Variants in CC2D1A observed in about 807,000 individuals in gnomAD.
CC2D1A encodes coiled-coil and C2 domain-containing protein 1A.
A neutral mutation model predicts 123.8 loss-of-function variants in CC2D1A; 68 were observed. The ratio of observed to expected loss-of-function variants is 0.55; its 90% CI spans 0.45 to 0.67. The LOEUF (loss-of-function observed/expected upper bound fraction) is 0.67. CC2D1A is among the 30% of genes least tolerant of loss of function. The pLI is 0.00. For missense variants in CC2D1A, 1,185 were observed against 1,290.3 expected (o/e 0.92, Z 1.25); for synonymous variants, 477 against 528.0 (o/e 0.90, Z 1.32).
In CC2D1A at chr19:13,920,661, C is replaced by G. The variant is rs1466263279; in HGVS notation, c.1461C>G (p.Ser487=). The change falls in exon 13 of 29, where the codon TCC becomes TCG. Residue 487 remains serine, a synonymous_variant. Coordinates refer to ENST00000318003, the MANE Select transcript of CC2D1A (RefSeq NM_017721.5). ...PTAKAPPKAT[S]TRAQQQLAFL... is the part of the protein sequence containing the mutation. ...CCAAAGCGCCCCCCAAAGCCACATC[C>G]ACCAGAGGTAAGTTCCCCCTCCCCG... 1 of 1,609,556 alleles carries G rather than the reference C, an allele frequency of 6.2e-7. No individual in the cohort carries two copies. The highest frequency in any genetic ancestry group is 8.5e-7 in the Non-Finnish European group (1 of 1,177,604).
At position 13,927,971 on chromosome 19, in the gene CC2D1A, T is replaced by C. The variant is rs1038998313; in HGVS notation, c.2395T>C (p.Leu799=). The C allele has an allele frequency of 2.5e-6, 4 of 1,613,590 alleles. No individual in the cohort carries two copies. The highest frequency in any genetic ancestry group is 2.7e-5 in the African/African-American group (2 of 74,874). Residue 799 remains leucine, a synonymous_variant, in exon 23 of 29, where the codon TTG becomes CTG. Coordinates refer to ENST00000318003, the MANE Select transcript of CC2D1A (RefSeq NM_017721.5). ...RIREPLTAQQ[L]ETTTERWLVI... ...TCGGGAGCCACTGACAGCCCAGCAG[T>C]TGGAGACGACGACAGAGAGGTGGCT...
intron 22 of CC2D1A, chr19:13,927,545 G>A (rs1205483551): frequency 2.1e-6 from 1 of 480,290 alleles, no homozygotes; most frequent in East Asian, 3.8e-5. Flanking sequence ...TTGGGAGGCT[G>A]AGGCGGGCAG....
rs770550279 is a variant in CC2D1A at position 13,930,122 on chromosome 19, G to C, written c.2755G>C (p.Ala919Pro). 5.6e-6 allele frequency: 9 copies of C among 1,612,056 alleles called. No individual in the cohort carries two copies. The East Asian group carries it at 2.0e-4, about 36-fold the overall frequency. ...LERQLQFYTE[A>P]ARRLGNDGSR... ...GCGGCAGCTGCAGTTCTACACGGAG[G>C]CTGCCCGGCGCCTGGGCAACGATGG... Residue 919 changes from alanine (A) to proline (P), a missense_variant, in exon 27 of 29, where the codon GCT becomes CCT. Physicochemically the swap from Ala to Pro is conservative, Grantham distance 27. Transcript: ENST00000318003. The surrounding 1 kb of genome is among the most constrained non-coding windows in gnomAD (Gnocchi z 6.8).
intron 12 of CC2D1A, 76 bp downstream of exon 12, chr19:13,920,027 G>T: frequency 7.0e-7 from 1 of 1,423,092 alleles, no homozygotes; most frequent in Non-Finnish European, 9.6e-7. Context: ...TGGGAGGATC[G>T]CTTGAGGCCA....
chr19:13,923,844 C>A lies in CC2D1A; in HGVS notation c.1940+33C>A. 6.6e-7 allele frequency: 1 copy of A among 1,506,124 alleles called. No homozygotes were observed. The highest frequency in any genetic ancestry group is 9.2e-7 in the Non-Finnish European group (1 of 1,082,794). The allele number at this position is 1,506,124 out of a possible 1,614,324, so 93.3% of individuals were successfully genotyped here. On this transcript the variant is annotated intron_variant, in intron 17 of 28. Coordinates refer to ENST00000318003, the MANE Select transcript of CC2D1A (RefSeq NM_017721.5). The surrounding 1 kb of genome is among the most constrained non-coding windows in gnomAD (Gnocchi z 5.3). The stretch of plus-strand genomic sequence containing the variant: ...TCCTGATCTACGCCCCACCACGTGG[C>A]CCCAGTGGCCCTTTGGTGGCGGTGG...
rs369369513 is a variant in CC2D1A at position 13,923,389 on chromosome 19, G to C, written c.1698G>C (p.Pro566=). ...DDFALVQRPG[P]GLSQEAARRY... is the part of the protein sequence containing the mutation. Reference sequence around the variant, plus strand: ...TTGCCCTGGTCCAGCGGCCTGGCCCGGGTCTGTCTCAGGAGGCCGCCCGGC... The same window carrying C: ...TTGCCCTGGTCCAGCGGCCTGGCCCCGGTCTGTCTCAGGAGGCCGCCCGGC... The change falls in exon 15 of 29, where the codon CCG becomes CCC. Residue 566 remains proline (P), a synonymous_variant. Transcript: ENST00000318003. This position sits in a 1 kb window ranked among gnomAD's most constrained non-coding sequence, Gnocchi z 5.3. The C allele has an allele frequency of 8.1e-6, 13 of 1,612,642 alleles. 1 individual carries two copies. In the East Asian group the frequency reaches 1.6e-4, roughly 19 times the overall value.
Position 13,930,700 on chromosome 19 carries a change from C to T in CC2D1A, c.*305C>T, listed in dbSNP as rs971767511. The T allele has an allele frequency of 6.3e-6, 3 of 479,076 alleles. No individual in the cohort carries two copies. The highest frequency in any genetic ancestry group is 1.1e-5 in the Non-Finnish European group (3 of 272,228). 29.7% of individuals were successfully genotyped at this position (479,076 alleles called of 1,614,324 possible). A position where few individuals can be genotyped will look rare whatever the true frequency, so the allele number is the denominator to read the frequency against. On this transcript the variant is annotated 3_prime_UTR_variant, in exon 29 of 29. Transcript: ENST00000318003. This position sits in a 1 kb window ranked among gnomAD's most constrained non-coding sequence, Gnocchi z 6.8. ...AGGGAGGGTGGCTGGGGCCAAGCCC[C>T]GAGGGCCCCTGCAAGCACTTTACTT... is the stretch of plus-strand genomic sequence containing the variant.
In CC2D1A at chr19:13,923,380, G is replaced by A; in HGVS notation, c.1689G>A (p.Arg563=). The stretch of plus-strand genomic sequence containing the variant: ...AGGACGACTTTGCCCTGGTCCAGCG[G>A]CCTGGCCCGGGTCTGTCTCAGGAGG... ...VNKDDFALVQ[R]PGPGLSQEAA... The change falls in exon 15 of 29, where the codon CGG becomes CGA. Residue 563 remains arginine (R), a synonymous_variant. Coordinates refer to ENST00000318003, the MANE Select transcript of CC2D1A (RefSeq NM_017721.5). The surrounding 1 kb of genome is among the most constrained non-coding windows in gnomAD (Gnocchi z 5.3). The A allele has an allele frequency of 6.2e-7, 1 of 1,612,342 alleles. No individual in the cohort carries two copies.
chr19:13,913,242 T>C lies in CC2D1A; in HGVS notation c.453T>C (p.Ile151=), dbSNP rs372824446. 1.2e-6 allele frequency: 2 copies of C among 1,613,410 alleles called. No homozygotes were observed. Among genetic ancestry groups the C allele is most frequent in the Admixed American group, 1.7e-5 (1 of 59,958 alleles). ...GGCTGGCGCTCTATCAGACAGCAAT[T>C]GAAAGCGCCAGACAAGCTGGAGACA... is the stretch of plus-strand genomic sequence containing the variant. The part of the protein sequence containing the change: ...QERLALYQTA[I]ESARQAGDSA... Residue 151 remains isoleucine (I), a synonymous_variant, in exon 5 of 29, where the codon ATT becomes ATC. Transcript: ENST00000318003.
chr19:13,922,053 A>G (rs1362987575), intron 14 of CC2D1A, among the ~76,000 whole-genome samples: 1 of 152,140 alleles, frequency 6.6e-6, no homozygotes, highest in Admixed American at 6.5e-5. Flanking sequence ...CCAGGCTGGA[A>G]TGCAGTGGCA....
chr19:13,916,208 G>A (rs536083001), intron 6 of CC2D1A, among the ~76,000 whole-genome samples: 36 of 152,030 alleles, frequency 2.4e-4, no homozygotes, highest in African/African-American at 4.8e-4. Flanking sequence ...AGTGAGCCAC[G>A]ATCACACCAC....
At chr19:13,908,503 G>T (rs962509623) in intron 1 of CC2D1A, among the ~76,000 whole-genome samples, 2 of 151,058 alleles carry the variant, frequency 1.3e-5, no homozygotes, top group Non-Finnish European at 3.0e-5. Flanking sequence ...GTCTTGCTCT[G>T]TTGCCCAGGC....
rs1315521885 is a variant in CC2D1A, at chr19:13,927,193, C to A, written c.2244C>A (p.Asp748Glu). ...VVHKGGLFKT[D>E]RVLGTAQLKL... ...CACACAGGGGGCTGTTCAAGACTGA[C>A]CGGGTGCTGGGGACAGCCCAGCTGA... is the stretch of plus-strand genomic sequence containing the variant. The change falls in exon 22 of 29, where the codon GAC becomes GAA. Residue 748 changes from aspartate (D) to glutamate (E), a missense_variant. Asp to Glu is a conservative substitution (Grantham distance 45, BLOSUM62 2). Coordinates refer to ENST00000318003, the MANE Select transcript of CC2D1A (RefSeq NM_017721.5). 1 of 1,614,098 alleles carries A rather than the reference C, an allele frequency of 6.2e-7. No individual in the cohort carries two copies. Among genetic ancestry groups the A allele is most frequent in the East Asian group, 2.2e-5 (1 of 44,880 alleles).
At chr19:13,927,561 G>C in intron 22 of CC2D1A, 2 of 466,580 alleles carry the variant, frequency 4.3e-6, no homozygotes, top group South Asian at 4.8e-5. Flanking sequence ...GGCAGATCAC[G>C]AGGTCAGGAG....
chr19:13,929,358 T>C (rs1568422706), intron 24 of CC2D1A, 21 bp from the exon 25 acceptor site: 2 of 1,612,928 alleles, frequency 1.2e-6, no homozygotes, highest in Non-Finnish European at 1.7e-6. Flanking sequence ...TGCAGTCCCT[T>C]ATCCTTCCTC....
At chr19:13,921,081 T>C (rs1438331713) in intron 14 of CC2D1A, among the ~76,000 whole-genome samples, 159 bp downstream of exon 14, 1 of 152,244 alleles carries the variant, frequency 6.6e-6, no homozygotes, top group Non-Finnish European at 1.5e-5. Flanking sequence ...ACATTTATTA[T>C]GTTTCTTGCA....
At position 13,906,544 on chromosome 19, in the gene CC2D1A, C is replaced by A; in HGVS notation, c.60+43C>A. ...GGCCCGACCTGGGGATCCCTCCCCA[C>A]CCCCGTCACTCGCTCAGGGAAGGGC... is the stretch of plus-strand genomic sequence containing the variant. On this transcript the variant is annotated intron_variant, in intron 1 of 28. Coordinates refer to ENST00000318003, the MANE Select transcript of CC2D1A (RefSeq NM_017721.5). The surrounding 1 kb of genome is among the most constrained non-coding windows in gnomAD (Gnocchi z 4.1). The A allele has an allele frequency of 2.2e-6, 3 of 1,342,984 alleles. No individual in the cohort carries two copies. Among genetic ancestry groups the A allele is most frequent in the African/African-American group, 1.5e-5 (1 of 65,604 alleles). The allele number at this position is 1,342,984 out of a possible 1,614,324, so 83.2% of individuals were successfully genotyped here. A position where few individuals can be genotyped will look rare whatever the true frequency, so the allele number is the denominator to read the frequency against.
chr19:13,927,727 A>G, intron 22 of CC2D1A, 166 bp from the exon 23 acceptor site: 1 of 712,802 alleles, frequency 1.4e-6, no homozygotes, highest in Non-Finnish European at 2.4e-6. Flanking sequence ...GCTTGCAGTG[A>G]GCCCAGATTG....
intron 17 of CC2D1A, among the ~76,000 whole-genome samples, chr19:13,924,582 G>A (rs1215196280): frequency 6.6e-6 from 1 of 151,958 alleles, no homozygotes. Flanking sequence ...CAATTCTCCT[G>A]CCTCAGCCTC....
Sources: gnomAD v4.1 joint callset for allele counts (sites outside exome capture counted in the v4.1 genomes callset) on GRCh38, gnomAD v4.1.1 for gene constraint, Gnocchi (gnomAD v3.1) non-coding constraint, MANE v1.5 for transcripts, NCBI Gene and HGNC (gene_info 2026-07-23, HGNC 2026-07-21) for gene names.